CNTN5: variants seen among roughly 807,000 people sequenced by gnomAD.
The protein encoded by CNTN5 is contactin 5, also known as contactin-5.
In CNTN5, 77 loss-of-function variants were observed where a neutral mutation model predicts 129.1. The observed-to-expected ratio is 0.60, with a 90% CI of 0.50 to 0.72. CNTN5 has a LOEUF of 0.72. Ranked by LOEUF, CNTN5 falls within the 30% of genes least tolerant of loss-of-function variation. The pLI is 0.00. For missense variants in CNTN5, 1,478 were observed against 1,328.8 expected (o/e 1.11, Z -1.75); for synonymous variants, 509 against 465.6 (o/e 1.09, Z -1.20).
intron 2 of CNTN5, among the ~76,000 whole-genome samples, chr11:99,390,809 A>G (rs1317574983): frequency 6.6e-6 from 1 of 152,142 alleles, no homozygotes; most frequent in African/African-American, 2.4e-5. Flanking sequence ...CCATCATATC[A>G]TAAATTGTTA....
At chr11:99,310,602 C>T (rs11219315) in intron 1 of CNTN5, among the ~76,000 whole-genome samples, 22,416 of 152,012 alleles carry the variant, frequency 0.15, 1,889 homozygotes, top group South Asian at 0.26. Flanking sequence ...AATAAATACG[C>T]CTATAAGCCA....
At position 99,705,493 on chromosome 11, in the gene CNTN5, T is replaced by C. The variant is rs193277859; in HGVS notation, c.56-114051T>C. 7.0e-4 allele frequency among the ~76,000 whole-genome samples: 106 copies of C among 151,586 alleles called. 1 individual carries two copies. The highest frequency in any genetic ancestry group is 1.7e-3 in the Admixed American group (26 of 15,154). On this transcript the variant is annotated intron_variant, in intron 3 of 24. Transcript: ENST00000524871. Reference sequence around the variant, plus strand: ...TGTGTATACTCAAATTCTTACAGTATTGAATATATTTATTCTGTACTTGGT... The same window carrying C: ...TGTGTATACTCAAATTCTTACAGTACTGAATATATTTATTCTGTACTTGGT...
At chr11:99,489,769 C>A (rs1945962631) in intron 2 of CNTN5, among the ~76,000 whole-genome samples, 1 of 152,052 alleles carries the variant, frequency 6.6e-6, no homozygotes, top group Non-Finnish European at 1.5e-5. Context: ...TTATCATATT[C>A]CTACTGCAGA....
At chr11:99,208,172 G>A (rs1027372406) in intron 1 of CNTN5, among the ~76,000 whole-genome samples, 1 of 152,098 alleles carries the variant, frequency 6.6e-6, no homozygotes, top group Non-Finnish European at 1.5e-5. Context: ...TTATAAACAG[G>A]CTTTGTAGCT....
chr11:99,732,394 A>G (rs928789849), intron 3 of CNTN5, among the ~76,000 whole-genome samples: 4 of 152,108 alleles, frequency 2.6e-5, no homozygotes, highest in African/African-American at 4.8e-5. Flanking sequence ...AAGGCTCAGT[A>G]TAATAACTGA....
chr11:99,644,483 T>A (rs1591412126), intron 3 of CNTN5, among the ~76,000 whole-genome samples: 1 of 152,184 alleles, frequency 6.6e-6, no homozygotes, highest in Non-Finnish European at 1.5e-5. Flanking sequence ...ATTCTTCCTA[T>A]CTATAGGATT....
intron 1 of CNTN5, among the ~76,000 whole-genome samples, chr11:99,094,620 T>A (rs930212815): frequency 1.3e-5 from 2 of 151,738 alleles, no homozygotes; most frequent in African/African-American, 4.8e-5. Flanking sequence ...AAAGAAAAAT[T>A]TACACAAGAG....
chr11:100,049,016 T>C (rs1942828850), intron 9 of CNTN5, among the ~76,000 whole-genome samples: 1 of 152,102 alleles, frequency 6.6e-6, no homozygotes, highest in Non-Finnish European at 1.5e-5. Context: ...ATAAAGACAT[T>C]TTTAGCTAAA....
intron 3 of CNTN5, among the ~76,000 whole-genome samples, chr11:99,631,477 T>C (rs1951347729): frequency 6.6e-6 from 1 of 152,102 alleles, no homozygotes; most frequent in South Asian, 2.1e-4. Context: ...TTGAAAATAA[T>C]TATAATGCTG....
At chr11:99,295,973 T>A in intron 1 of CNTN5, among the ~76,000 whole-genome samples, 1 of 151,500 alleles carries the variant, frequency 6.6e-6, no homozygotes, top group African/African-American at 2.4e-5. Context: ...GGCCTTTATC[T>A]TTTATCTATT....
At chr11:99,138,727 A>T (rs1164054947) in intron 1 of CNTN5, among the ~76,000 whole-genome samples, 1 of 152,194 alleles carries the variant, frequency 6.6e-6, no homozygotes, top group Non-Finnish European at 1.5e-5. Context: ...CACAAATAAC[A>T]TGAGAAGTCA....
intron 6 of CNTN5, among the ~76,000 whole-genome samples, chr11:99,861,293 C>A (rs1948199860): frequency 6.6e-6 from 1 of 152,134 alleles, no homozygotes; most frequent in Non-Finnish European, 1.5e-5. Flanking sequence ...TTTCTATCAG[C>A]AGTGTTGCAT....
chr11:99,047,949 T>A (rs1473547259), intron 1 of CNTN5, among the ~76,000 whole-genome samples: 1 of 152,062 alleles, frequency 6.6e-6, no homozygotes, highest in East Asian at 1.9e-4. Flanking sequence ...TCTAACATAT[T>A]TTCAAAATGT....
At chr11:99,508,735 G>A (rs925060610) in intron 2 of CNTN5, among the ~76,000 whole-genome samples, 6 of 149,984 alleles carry the variant, frequency 4.0e-5, no homozygotes, top group Non-Finnish European at 7.4e-5. Flanking sequence ...GCTGGAGTGC[G>A]GTGTGGCGCG....
At chr11:100,321,969 A>G (rs188101942) in intron 21 of CNTN5, among the ~76,000 whole-genome samples, 5 of 152,290 alleles carry the variant, frequency 3.3e-5, no homozygotes, top group African/African-American at 1.2e-4. Flanking sequence ...TTGCATGTAT[A>G]TTAATCAGGG....
chr11:99,369,827 T>C (rs962508462), intron 2 of CNTN5, among the ~76,000 whole-genome samples: 4 of 152,072 alleles, frequency 2.6e-5, no homozygotes. Flanking sequence ...AACAAGAGAA[T>C]CAATATTTCT....
chr11:99,110,833 A>C (rs1165168055), intron 1 of CNTN5, among the ~76,000 whole-genome samples: 2 of 152,192 alleles, frequency 1.3e-5, no homozygotes, highest in African/African-American at 4.8e-5. Flanking sequence ...ACAGAATGAT[A>C]TGATGTGAAA....
At chr11:99,979,401 T>A (rs1414486549) in intron 8 of CNTN5, among the ~76,000 whole-genome samples, 1 of 152,186 alleles carries the variant, frequency 6.6e-6, no homozygotes, top group African/African-American at 2.4e-5. Flanking sequence ...ATTGCCCCAA[T>A]TCTGGGCTGG....
chr11:100,036,898 T>A (rs1081345), intron 9 of CNTN5, among the ~76,000 whole-genome samples: 112,511 of 138,870 alleles, frequency 0.81, 46,235 homozygotes, highest in East Asian at 1. Context: ...TGGATGTGCA[T>A]TCATGTCGTC....
Sources: gnomAD v4.1 joint callset for allele counts (sites outside exome capture counted in the v4.1 genomes callset) on GRCh38, gnomAD v4.1.1 for gene constraint, MANE v1.5 for transcripts, NCBI Gene and HGNC (gene_info 2026-07-23, HGNC 2026-07-21) for gene names.